Variants in RAP1GDS1 observed in about 807,000 individuals in gnomAD.
RAP1GDS1 encodes RAP1, GTP-GDP dissociation stimulator 1.
RAP1GDS1 carries 35 observed loss-of-function variants against 71.1 expected under a neutral mutation model. The observed-to-expected ratio is 0.49, with a 90% confidence interval of 0.38 to 0.65. The LOEUF (loss-of-function observed/expected upper bound fraction) is 0.65. Ranked by LOEUF, RAP1GDS1 falls within the 30% of genes least tolerant of loss-of-function variation. RAP1GDS1 has a pLI of 0.00. For missense variants in RAP1GDS1, 663 were observed against 706.1 expected (o/e 0.94, Z 0.69); for synonymous variants, 229 against 243.1 (o/e 0.94, Z 0.54).
intron 2 of RAP1GDS1, among the ~76,000 whole-genome samples, chr4:98,334,258 TACAC>T (rs1210839837): frequency 1.3e-5 from 2 of 152,080 alleles, no homozygotes; most frequent in Non-Finnish European, 2.9e-5. Context: ...CATATATACA[TACAC>T]ACAAAAATTT....
chr4:98,361,641 G>A (rs1257181288), intron 4 of RAP1GDS1, among the ~76,000 whole-genome samples: 1 of 152,052 alleles, frequency 6.6e-6, no homozygotes, highest in Non-Finnish European at 1.5e-5. Flanking sequence ...GTATCAGCAG[G>A]CACACCAAAA....
intron 1 of RAP1GDS1, among the ~76,000 whole-genome samples, chr4:98,288,393 G>C (rs1027739170): frequency 6.6e-6 from 1 of 152,210 alleles, no homozygotes; most frequent in South Asian, 2.1e-4. Flanking sequence ...AGTATTCCAT[G>C]GTGTATATGT....
At chr4:98,265,185 G>A (rs1400842004) in intron 1 of RAP1GDS1, among the ~76,000 whole-genome samples, 1 of 152,166 alleles carries the variant, frequency 6.6e-6, no homozygotes, top group Non-Finnish European at 1.5e-5. Context: ...CTTGAACCAG[G>A]TTATGGCAAC....
chr4:98,419,185 A>T (rs1402550358), intron 10 of RAP1GDS1, among the ~76,000 whole-genome samples: 1 of 152,072 alleles, frequency 6.6e-6, no homozygotes, highest in Non-Finnish European at 1.5e-5. Flanking sequence ...CCTCCTGAGG[A>T]ACAGGGACTA....
intron 7 of RAP1GDS1, among the ~76,000 whole-genome samples, chr4:98,413,871 T>C (rs1327694214): frequency 6.6e-6 from 1 of 151,316 alleles, no homozygotes; most frequent in African/African-American, 2.4e-5. Context: ...CCACATCCTC[T>C]CCAGCACCTG....
chr4:98,421,305 G>T lies in RAP1GDS1; in HGVS notation c.1351G>T (p.Val451Leu). The T allele has an allele frequency of 6.2e-7, 1 of 1,611,964 alleles. No homozygotes were observed. The highest frequency in any genetic ancestry group is 8.5e-7 in the Non-Finnish European group (1 of 1,178,708). ...GAATGTTAAGTTAGTGGAGCGTTTG[G>T]TGGAATGGTGTGAAGCCAAAGATCA... is the stretch of plus-strand genomic sequence containing the variant. ...GKNVKLVERL[V>L]EWCEAKDHAG... The change falls in exon 12 of 15, where the codon GTG becomes TTG. Residue 451 changes from valine (V) to leucine (L), a missense_variant. Transcript: ENST00000408927.
intron 2 of RAP1GDS1, among the ~76,000 whole-genome samples, chr4:98,336,175 GTAAA>G (rs1734697582): frequency 6.6e-6 from 1 of 151,994 alleles, no homozygotes; most frequent in African/African-American, 2.4e-5. Flanking sequence ...TTTCTTATAG[GTAAA>G]TATTCATATC....
intron 1 of RAP1GDS1, among the ~76,000 whole-genome samples, chr4:98,282,322 C>T (rs993512424): frequency 1.3e-5 from 2 of 152,108 alleles, no homozygotes; most frequent in Non-Finnish European, 2.9e-5. Context: ...TCAGCTCCTT[C>T]CTTGTTTAGT....
intron 3 of RAP1GDS1, among the ~76,000 whole-genome samples, chr4:98,350,635 C>A (rs1219912945): frequency 6.6e-6 from 1 of 152,072 alleles, no homozygotes; most frequent in Non-Finnish European, 1.5e-5. Flanking sequence ...GTCAGGAGTT[C>A]AAGACCAGCG....
chr4:98,308,419 A>G (rs558084292), intron 2 of RAP1GDS1, among the ~76,000 whole-genome samples: 68 of 148,844 alleles, frequency 4.6e-4, no homozygotes, highest in Non-Finnish European at 7.9e-4. Flanking sequence ...GCAGTGAGCC[A>G]TGATTGTGCC....
intron 2 of RAP1GDS1, among the ~76,000 whole-genome samples, chr4:98,300,566 A>AT (rs1728436533): frequency 6.6e-6 from 1 of 151,832 alleles, no homozygotes; most frequent in Admixed American, 6.6e-5. Flanking sequence ...CACCCAGCTA[A>AT]TTTTTTGTAT....
intron 10 of RAP1GDS1, 44 bp from the exon 11 acceptor site, chr4:98,419,975 G>C: frequency 1.3e-6 from 2 of 1,504,106 alleles, no homozygotes; most frequent in Admixed American, 2.0e-5. Context: ...TTTATCAACA[G>C]GAATGCTAAT....
In RAP1GDS1 at chr4:98,442,085, C is replaced by T; in HGVS notation, c.1792C>T (p.Leu598Phe). The stretch of plus-strand genomic sequence containing the variant: ...CAAAAGTGTTGCCCAGCAGGCCTCT[C>T]TCACAGAGCAGAGACTTACTGTGGA... The part of the protein sequence containing the change: ...ENKSVAQQAS[L>F]TEQRLTVES Residue 598 changes from leucine to phenylalanine, a missense_variant, in exon 15 of 15, where the codon CTC becomes TTC. Physicochemically the swap from Leu to Phe is conservative, Grantham distance 22 (BLOSUM62 0). Coordinates refer to ENST00000408927, the MANE Select transcript of RAP1GDS1 (RefSeq NM_001100427.2). 1 of 1,613,892 alleles carries T rather than the reference C, an allele frequency of 6.2e-7. No homozygotes were observed. Among genetic ancestry groups the T allele is most frequent in the Non-Finnish European group, 8.5e-7 (1 of 1,179,994 alleles).
At chr4:98,331,268 G>A (rs947574047) in intron 2 of RAP1GDS1, among the ~76,000 whole-genome samples, 2 of 151,980 alleles carry the variant, frequency 1.3e-5, no homozygotes, top group Non-Finnish European at 2.9e-5. Context: ...CTCGGCAACA[G>A]AGGGAGACCA....
At chr4:98,322,402 G>C (rs1368539054) in intron 2 of RAP1GDS1, among the ~76,000 whole-genome samples, 1 of 114,876 alleles carries the variant, frequency 8.7e-6, no homozygotes, top group African/African-American at 3.6e-5. Flanking sequence ...ATTGAACTCA[G>C]CTCTGCACCA....
intron 4 of RAP1GDS1, among the ~76,000 whole-genome samples, chr4:98,355,224 T>G (rs1737782304): frequency 6.6e-6 from 1 of 152,166 alleles, no homozygotes; most frequent in Admixed American, 6.5e-5. Context: ...CCTTCTTCAC[T>G]CTCGGGAATG....
At chr4:98,358,839 A>G (rs796809613) in intron 4 of RAP1GDS1, among the ~76,000 whole-genome samples, 20 of 151,974 alleles carry the variant, frequency 1.3e-4, no homozygotes, top group African/African-American at 4.6e-4. Context: ...AGAGTTATGC[A>G]ATGTTACCAT....
chr4:98,400,950 T>G (rs1170371381), intron 6 of RAP1GDS1, among the ~76,000 whole-genome samples: 1 of 152,220 alleles, frequency 6.6e-6, no homozygotes, highest in Non-Finnish European at 1.5e-5. Flanking sequence ...TTGTCACACA[T>G]GAACATCTCA....
At chr4:98,300,849 A>T (rs1728475868) in intron 2 of RAP1GDS1, among the ~76,000 whole-genome samples, 1 of 152,220 alleles carries the variant, frequency 6.6e-6, no homozygotes, top group Non-Finnish European at 1.5e-5. Flanking sequence ...TTATGTACAG[A>T]AGGTGTTAAT....
Sources: gnomAD v4.1 joint callset for allele counts (sites outside exome capture counted in the v4.1 genomes callset) on GRCh38, gnomAD v4.1.1 for gene constraint, MANE v1.5 for transcripts, NCBI Gene and HGNC (gene_info 2026-07-23, HGNC 2026-07-21) for gene names.